LRRTM4: variants seen among roughly 807,000 people sequenced by gnomAD.
LRRTM4 encodes leucine rich repeat transmembrane neuronal 4.
In LRRTM4, 25 loss-of-function variants were observed where a neutral mutation model predicts 47.6. The observed-to-expected ratio is 0.53, with a 90% CI of 0.38 to 0.73. LRRTM4 has a LOEUF of 0.73. LRRTM4 is among the 30% of genes least tolerant of loss of function. LRRTM4 has a pLI of 0.00. For missense variants in LRRTM4, 638 were observed against 713.4 expected (o/e 0.89, Z 1.20); for synonymous variants, 311 against 269.5 (o/e 1.15, Z -1.51).
intron 3 of LRRTM4, among the ~76,000 whole-genome samples, chr2:76,925,474 A>G (rs1299914428): frequency 6.6e-6 from 1 of 152,072 alleles, no homozygotes; most frequent in Non-Finnish European, 1.5e-5. Context: ...GACCTATAGA[A>G]CTTCAAGATA....
chr2:77,287,894 C>T (rs1286983041), intron 3 of LRRTM4, among the ~76,000 whole-genome samples: 1 of 152,102 alleles, frequency 6.6e-6, no homozygotes, highest in African/African-American at 2.4e-5. Context: ...TGGGCACCCA[C>T]TGGGGGTTTT....
chr2:76,902,849 A>G (rs1380417566), intron 3 of LRRTM4, among the ~76,000 whole-genome samples: 2 of 152,168 alleles, frequency 1.3e-5, no homozygotes, highest in East Asian at 3.9e-4. Context: ...GTGCATTTGA[A>G]TGAAGTTTTC....
chr2:77,345,732 C>A (rs933099832), intron 3 of LRRTM4, among the ~76,000 whole-genome samples: 1 of 151,548 alleles, frequency 6.6e-6, no homozygotes, highest in Non-Finnish European at 1.5e-5. Flanking sequence ...ACTCTGAAAA[C>A]CATTTGGAAG....
chr2:77,042,667 A>G (rs201626044), intron 3 of LRRTM4, among the ~76,000 whole-genome samples: 6 of 67,122 alleles, frequency 8.9e-5, no homozygotes, highest in African/African-American at 2.6e-4. Context: ...TGCCATTCTT[A>G]TGATGATAAG....
intron 3 of LRRTM4, among the ~76,000 whole-genome samples, chr2:77,497,040 A>G (rs536373521): frequency 6.6e-6 from 1 of 151,720 alleles, no homozygotes; most frequent in Non-Finnish European, 1.5e-5. Flanking sequence ...TATGTATCTG[A>G]AAAATGTGTA....
intron 3 of LRRTM4, among the ~76,000 whole-genome samples, chr2:77,452,545 C>T (rs1676298834): frequency 6.6e-6 from 1 of 152,106 alleles, no homozygotes; most frequent in African/African-American, 2.4e-5. Context: ...CGTTAGGAGG[C>T]AGAGGAATGA....
At chr2:77,352,012 G>C (rs929119024) in intron 3 of LRRTM4, among the ~76,000 whole-genome samples, 2 of 152,090 alleles carry the variant, frequency 1.3e-5, no homozygotes, top group African/African-American at 4.8e-5. Flanking sequence ...ATATGTGACA[G>C]TGTAAATTAA....
At chr2:76,904,007 T>C (rs1276671077) in intron 3 of LRRTM4, among the ~76,000 whole-genome samples, 2 of 152,214 alleles carry the variant, frequency 1.3e-5, no homozygotes, top group African/African-American at 4.8e-5. Context: ...TTAGTGAAAA[T>C]GTTGAAAGCC....
intron 3 of LRRTM4, among the ~76,000 whole-genome samples, chr2:76,774,472 G>A (rs1237472790): frequency 2.0e-5 from 3 of 152,142 alleles, no homozygotes; most frequent in East Asian, 1.9e-4. Context: ...TTACAGGCAT[G>A]AGCCACCGTG....
At chr2:77,429,042 G>T (rs1334348092) in intron 3 of LRRTM4, among the ~76,000 whole-genome samples, 12 of 152,102 alleles carry the variant, frequency 7.9e-5, no homozygotes, top group Admixed American at 7.9e-4. Context: ...TTCATTTAAA[G>T]ATTTTTATAA....
chr2:77,351,578 C>A (rs1242434545), intron 3 of LRRTM4, among the ~76,000 whole-genome samples: 2 of 144,318 alleles, frequency 1.4e-5, no homozygotes, highest in Non-Finnish European at 3.0e-5. Context: ...TTTTAAAGAG[C>A]AAAAATTAAC....
intron 3 of LRRTM4, among the ~76,000 whole-genome samples, chr2:77,333,609 A>C (rs1467897096): frequency 6.6e-6 from 1 of 152,158 alleles, no homozygotes; most frequent in Non-Finnish European, 1.5e-5. Flanking sequence ...AGGTTTGAGA[A>C]TCTCAGCCTA....
chr2:77,498,179 C>T (rs535231152), intron 3 of LRRTM4, among the ~76,000 whole-genome samples: 1 of 151,950 alleles, frequency 6.6e-6, no homozygotes, highest in South Asian at 2.1e-4. Flanking sequence ...GATTTCATTA[C>T]CTGTGAGCCT....
intron 3 of LRRTM4, among the ~76,000 whole-genome samples, chr2:77,459,973 C>T (rs773038764): frequency 2.6e-5 from 4 of 152,038 alleles, no homozygotes; most frequent in Non-Finnish European, 5.9e-5. Flanking sequence ...CATCAAGTCC[C>T]AATCTATTCT....
intron 3 of LRRTM4, among the ~76,000 whole-genome samples, chr2:77,259,102 A>T (rs1675847279): frequency 8.2e-6 from 1 of 122,240 alleles, no homozygotes; most frequent in Non-Finnish European, 1.5e-5. Flanking sequence ...GCTCAAACAT[A>T]AATATAAAAA....
intron 3 of LRRTM4, among the ~76,000 whole-genome samples, chr2:76,927,173 A>G (rs1674614164): frequency 6.6e-6 from 1 of 152,056 alleles, no homozygotes; most frequent in Non-Finnish European, 1.5e-5. Context: ...CCTATTCCCT[A>G]GGAACCCTCC....
chr2:77,217,440 A>AAAATATATATATAT (rs1674484223), intron 3 of LRRTM4, among the ~76,000 whole-genome samples: 1 of 76,818 alleles, frequency 1.3e-5, no homozygotes, highest in Non-Finnish European at 2.2e-5. Context: ...CTCCAAATGA[A>AAAATATATATATAT]ATATATATAT....
chr2:76,989,419 T>C (rs1573411376), intron 3 of LRRTM4, among the ~76,000 whole-genome samples: 1 of 151,814 alleles, frequency 6.6e-6, no homozygotes, highest in South Asian at 2.1e-4. Context: ...TACAGAAAAA[T>C]TAGTAAAAAT....
At chr2:77,270,747 G>A (rs1017544013) in intron 3 of LRRTM4, among the ~76,000 whole-genome samples, 5 of 152,166 alleles carry the variant, frequency 3.3e-5, no homozygotes, top group African/African-American at 1.2e-4. Context: ...AAGCCTGAAA[G>A]CCAAGCTACA....
Sources: gnomAD v4.1 joint callset for allele counts (sites outside exome capture counted in the v4.1 genomes callset) on GRCh38, gnomAD v4.1.1 for gene constraint, MANE v1.5 for transcripts, NCBI Gene and HGNC (gene_info 2026-07-23, HGNC 2026-07-21) for gene names.